LMTK2: variants seen among roughly 807,000 people sequenced by gnomAD.
LMTK2 encodes serine/threonine-protein kinase LMTK2.
Under a neutral mutation model 127.5 loss-of-function variants are expected in LMTK2, and 37 were observed. The ratio of observed to expected loss-of-function variants is 0.29; its 90% CI spans 0.22 to 0.38. The LOEUF (loss-of-function observed/expected upper bound fraction) is 0.38. LMTK2 is among the 10% of genes least tolerant of loss of function. LMTK2 has a pLI of 1.00. For synonymous variants in LMTK2, 819 were observed against 810.1 expected (o/e 1.01, Z -0.19); for missense variants, 1,694 against 1,920.3 (o/e 0.88, Z 2.20).
chr7:98,190,920 G>A, intron 10 of LMTK2, 43 bp downstream of exon 10: 2 of 1,590,144 alleles, frequency 1.3e-6, no homozygotes, highest in Non-Finnish European at 1.7e-6. Flanking sequence ...CGTCTTCACT[G>A]TGAGGTGTCC....
chr7:98,163,728 A>G (rs570928185), intron 6 of LMTK2, among the ~76,000 whole-genome samples: 63 of 152,328 alleles, frequency 4.1e-4, no homozygotes, highest in African/African-American at 1.4e-3. Flanking sequence ...TGTCTCTTTG[A>G]CACTGAGCCC....
intron 3 of LMTK2, among the ~76,000 whole-genome samples, chr7:98,148,709 AAG>A (rs1796807852): frequency 6.6e-6 from 1 of 152,200 alleles, no homozygotes; most frequent in African/African-American, 2.4e-5. Flanking sequence ...AAGTAGAAGA[AAG>A]AAAACAAAAA....
chr7:98,125,054 A>G (rs1263563339), intron 1 of LMTK2, among the ~76,000 whole-genome samples: 1 of 151,566 alleles, frequency 6.6e-6, no homozygotes, highest in African/African-American at 2.4e-5. Context: ...CTGTAATCCC[A>G]GCACTTTGGG....
At chr7:98,175,630 T>C (rs1797265180) in intron 7 of LMTK2, among the ~76,000 whole-genome samples, 1 of 152,266 alleles carries the variant, frequency 6.6e-6, no homozygotes, top group African/African-American at 2.4e-5. Flanking sequence ...TGGGTGTCCA[T>C]GAAGTTTCCT....
intron 6 of LMTK2, among the ~76,000 whole-genome samples, chr7:98,168,700 G>A (rs1029338017): frequency 5.3e-5 from 8 of 152,162 alleles, no homozygotes; most frequent in Non-Finnish European, 1.0e-4. Context: ...GAGCGGGCTT[G>A]CGAGGAACCT....
At chr7:98,167,549 C>T (rs12531599) in intron 6 of LMTK2, among the ~76,000 whole-genome samples, 8,108 of 152,228 alleles carry the variant, frequency 0.053, 635 homozygotes, top group East Asian at 0.36. Context: ...AACTTGGTGA[C>T]GGGTTGGATG....
At chr7:98,127,452 A>G (rs1040277722) in intron 1 of LMTK2, among the ~76,000 whole-genome samples, 1 of 152,204 alleles carries the variant, frequency 6.6e-6, no homozygotes, top group African/African-American at 2.4e-5. Flanking sequence ...AGTAGCCACC[A>G]TTGTTAATTT....
At chr7:98,129,710 CTGT>C (rs1013657615) in intron 1 of LMTK2, among the ~76,000 whole-genome samples, 56 of 152,260 alleles carry the variant, frequency 3.7e-4, no homozygotes, top group African/African-American at 1.0e-3. Flanking sequence ...TGGTTTCTTT[CTGT>C]TGTTGTTGTT....
chr7:98,153,598 G>A (rs993880814), intron 4 of LMTK2, among the ~76,000 whole-genome samples: 1 of 152,186 alleles, frequency 6.6e-6, no homozygotes, highest in Non-Finnish European at 1.5e-5. Context: ...TAGGCTGGAC[G>A]CGGTAGCTCA....
chr7:98,175,370 C>A (rs115209114), intron 7 of LMTK2, among the ~76,000 whole-genome samples: 161 of 152,172 alleles, frequency 1.1e-3, no homozygotes, highest in African/African-American at 3.8e-3. Flanking sequence ...TCCAGTGTTA[C>A]CAGAAAAGAA....
At chr7:98,178,587 G>A (rs922988251) in intron 7 of LMTK2, among the ~76,000 whole-genome samples, 1 of 152,332 alleles carries the variant, frequency 6.6e-6, no homozygotes, top group East Asian at 1.9e-4. Context: ...TCAACTTGAA[G>A]GGAGAGCAGA....
intron 3 of LMTK2, among the ~76,000 whole-genome samples, chr7:98,144,521 C>T (rs1281223684): frequency 6.6e-6 from 1 of 151,968 alleles, no homozygotes; most frequent in Non-Finnish European, 1.5e-5. Flanking sequence ...TGCTGGCTTC[C>T]CTAAGTAACA....
intron 7 of LMTK2, among the ~76,000 whole-genome samples, chr7:98,180,963 GGGA>G (rs1216372406): frequency 2.0e-5 from 3 of 152,134 alleles, no homozygotes; most frequent in Non-Finnish European, 4.4e-5. Context: ...GAAAGAGGAG[GGGA>G]GGAGGAGGAG....
intron 10 of LMTK2, 125 bp from the exon 11 acceptor site, chr7:98,191,489 T>G (rs1584292382): frequency 1.4e-6 from 1 of 703,078 alleles, no homozygotes; most frequent in Non-Finnish European, 2.3e-6. Context: ...GAGGCAGAGG[T>G]TGCAGTGAGC....
In LMTK2 at chr7:98,206,102, C is replaced by T. The variant is rs927234621; in HGVS notation, c.*610C>T. 1.3e-5 allele frequency: 2 copies of T among 153,210 alleles called. No homozygotes were observed. The highest frequency in any genetic ancestry group is 4.8e-5 in the African/African-American group (2 of 41,442). 9.5% of individuals were successfully genotyped at this position (153,210 alleles called of 1,614,324 possible). A position where few individuals can be genotyped will look rare whatever the true frequency, so the allele number is the denominator to read the frequency against. ...TTTTTCTGTTTTATAGTTTGCGCTGCATGGTACTTGTGAAGCTTAAATATT... is the reference window on the plus strand; with the variant it reads ...TTTTTCTGTTTTATAGTTTGCGCTGTATGGTACTTGTGAAGCTTAAATATT... On this transcript the variant is annotated 3_prime_UTR_variant, in exon 14 of 14. Coordinates refer to ENST00000297293, the MANE Select transcript of LMTK2 (RefSeq NM_014916.4).
chr7:98,157,685 C>T (rs1330703697), intron 5 of LMTK2, among the ~76,000 whole-genome samples: 2 of 149,436 alleles, frequency 1.3e-5, no homozygotes, highest in African/African-American at 5.0e-5. Flanking sequence ...CATGGAACAC[C>T]TTGGATGACC....
At chr7:98,131,907 A>G (rs760506319) in intron 1 of LMTK2, among the ~76,000 whole-genome samples, 16 of 152,308 alleles carry the variant, frequency 1.1e-4, no homozygotes, top group East Asian at 1.9e-4. Flanking sequence ...AAGCAGCTCT[A>G]CTTCCTGAAC....
intron 5 of LMTK2, 148 bp downstream of exon 5, chr7:98,155,024 T>C: frequency 3.5e-6 from 2 of 566,848 alleles, no homozygotes; most frequent in Non-Finnish European, 6.3e-6. Flanking sequence ...CCAGGCGTCA[T>C]CTGAAAATCA....
chr7:98,197,942 G>A (rs917125992), intron 11 of LMTK2, among the ~76,000 whole-genome samples: 2 of 152,138 alleles, frequency 1.3e-5, no homozygotes, highest in African/African-American at 4.8e-5. Context: ...ACTGTCTTTG[G>A]TTTTGTTATC....
Sources: allele counts gnomAD v4.1 joint callset (sites outside exome capture counted in the v4.1 genomes callset), GRCh38; gene constraint gnomAD v4.1.1; transcripts MANE v1.5; gene names NCBI Gene and HGNC (gene_info 2026-07-23, HGNC 2026-07-21).